Variants in ERI1 observed in about 807,000 individuals in gnomAD.
The protein encoded by ERI1 is 3'-5' exoribonuclease 1.
A neutral mutation model predicts 39.7 loss-of-function variants in ERI1; 39 were observed. The ratio of observed to expected loss-of-function variants is 0.98; its 90% CI spans 0.76 to 1.28. ERI1 has a LOEUF of 1.28. Ranked by LOEUF, ERI1 falls within the 50% of genes most tolerant of loss-of-function variation. ERI1 has a pLI of 0.00. For synonymous variants in ERI1, 204 were observed against 149.6 expected (o/e 1.36, Z -2.65); for missense variants, 581 against 416.9 (o/e 1.39, Z -3.43).
At chr8:9,044,616 G>C (rs1203478671) in intron 3 of ERI1, among the ~76,000 whole-genome samples, 1 of 152,056 alleles carries the variant, frequency 6.6e-6, no homozygotes, top group Non-Finnish European at 1.5e-5. Context: ...GGGTCAAAGA[G>C]GGCTCTTTCA....
rs112836853 is a variant in ERI1, at chr8:9,100,067, C to A, written n.300-16281C>A. 4.9e-3 allele frequency: 744 copies of A among 152,848 alleles called. 4 individuals carry two copies. The highest frequency in any genetic ancestry group is 7.6e-3 in the Non-Finnish European group (519 of 68,158). 9.5% of individuals were successfully genotyped at this position (152,848 alleles called of 1,614,324 possible). On this transcript the variant is annotated intron_variant and non_coding_transcript_variant, in intron 3 of 3. Coordinates refer to the ERI1 transcript ENST00000518663. ...AGTTTAAGTGCATTATTCATTAACCCCTTCAATAAAATTTGTAATTTTCAT... is the reference window on the plus strand; with the variant it reads ...AGTTTAAGTGCATTATTCATTAACCACTTCAATAAAATTTGTAATTTTCAT...
chr8:9,039,243 A>C (rs1359718852), intron 3 of ERI1, among the ~76,000 whole-genome samples: 1 of 152,208 alleles, frequency 6.6e-6, no homozygotes, highest in Non-Finnish European at 1.5e-5. Flanking sequence ...TTTAGGATAT[A>C]ATACTCTTGG....
intron 3 of ERI1, among the ~76,000 whole-genome samples, chr8:9,071,343 A>T (rs1260367966): frequency 6.6e-6 from 1 of 152,180 alleles, no homozygotes; most frequent in Non-Finnish European, 1.5e-5. Context: ...TAGTTATTAC[A>T]TTTGGGAGTA....
At chr8:9,071,319 T>C (rs775114417) in intron 3 of ERI1, among the ~76,000 whole-genome samples, 1 of 152,226 alleles carries the variant, frequency 6.6e-6, no homozygotes, top group Non-Finnish European at 1.5e-5. Context: ...TTTCCTTTTC[T>C]GGAATTTCTA....
chr8:9,088,771 C>T (rs1799611577), intron 3 of ERI1, among the ~76,000 whole-genome samples: 1 of 152,184 alleles, frequency 6.6e-6, no homozygotes, highest in South Asian at 2.1e-4. Context: ...TCAGAGAATC[C>T]ACCTCATTGC....
chr8:9,016,477 T>A, intron 4 of ERI1, 72 bp downstream of exon 4: 1 of 875,436 alleles, frequency 1.1e-6, no homozygotes, highest in African/African-American at 1.8e-5. Flanking sequence ...TTATACATAA[T>A]TTAAAAAAAT....
chr8:9,020,051 A>T (rs910225023), intron 5 of ERI1, among the ~76,000 whole-genome samples: 4 of 152,196 alleles, frequency 2.6e-5, no homozygotes, highest in Admixed American at 6.5e-5. Flanking sequence ...TGGCAGTAAA[A>T]GTAAGCTTAG....
chr8:9,083,242 G>GA (rs1384186646), intron 3 of ERI1, among the ~76,000 whole-genome samples: 1 of 152,122 alleles, frequency 6.6e-6, no homozygotes, highest in Admixed American at 6.5e-5. Flanking sequence ...TACTTTCAGT[G>GA]AAAAATATTA....
chr8:9,007,069 A>G (rs928871115), intron 1 of ERI1, among the ~76,000 whole-genome samples: 6 of 152,250 alleles, frequency 3.9e-5, no homozygotes, highest in African/African-American at 1.4e-4. Flanking sequence ...GTGATATTGC[A>G]TGTGGAAAAT....
chr8:9,013,070 A>C (rs1816839889), intron 3 of ERI1, among the ~76,000 whole-genome samples: 1 of 151,378 alleles, frequency 6.6e-6, no homozygotes, highest in Admixed American at 6.6e-5. Context: ...ACTTGAGTGC[A>C]GTGGTGCAAA....
intron 3 of ERI1, among the ~76,000 whole-genome samples, chr8:9,051,540 C>T (rs1798355313): frequency 6.6e-6 from 1 of 152,000 alleles, no homozygotes; most frequent in Non-Finnish European, 1.5e-5. Context: ...ACCTGTAGTT[C>T]CAGCTACTTG....
intron 3 of ERI1, among the ~76,000 whole-genome samples, chr8:9,047,997 T>C (rs1336547448): frequency 6.6e-6 from 1 of 152,128 alleles, no homozygotes; most frequent in African/African-American, 2.4e-5. Context: ...GAAAGTCAAC[T>C]CTCTTGTCCA....
intron 3 of ERI1, among the ~76,000 whole-genome samples, chr8:9,051,137 G>A (rs1798341823): frequency 6.6e-6 from 1 of 151,596 alleles, no homozygotes; most frequent in African/African-American, 2.4e-5. Flanking sequence ...TAGGGAATTG[G>A]AGGTATATAT....
chr8:9,036,946 A>T (rs1797865162), downstream of ERI1, among the ~76,000 whole-genome samples: 1 of 152,216 alleles, frequency 6.6e-6, no homozygotes, highest in African/African-American at 2.4e-5. Context: ...TGAAACTCAT[A>T]GTCCCTCCCT....
intron 5 of ERI1, among the ~76,000 whole-genome samples, chr8:9,019,447 A>G (rs995771132): frequency 6.6e-6 from 1 of 152,220 alleles, no homozygotes; most frequent in African/African-American, 2.4e-5. Flanking sequence ...GTGCTCTGCT[A>G]AAGTATACAG....
downstream of ERI1, among the ~76,000 whole-genome samples, chr8:9,037,212 C>G (rs1156523595): frequency 6.6e-6 from 1 of 152,194 alleles, no homozygotes; most frequent in Non-Finnish European, 1.5e-5. Context: ...TGATTTCTGT[C>G]TGCCAACTTT....
intron 3 of ERI1, among the ~76,000 whole-genome samples, chr8:9,015,740 A>AAAAAAAAAAAAAAAAAAG (rs1182633803): frequency 2.0e-5 from 3 of 148,410 alleles, no homozygotes; most frequent in South Asian, 2.1e-4. Flanking sequence ...AAAAAAAAAA[A>AAAAAAAAAAAAAAAAAAG]AGAGACCATC....
chr8:9,029,664 A>G, intron 6 of ERI1, 128 bp from the exon 7 acceptor site: 1 of 1,124,842 alleles, frequency 8.9e-7, no homozygotes, highest in Non-Finnish European at 1.3e-6. Context: ...GAGTGGGGGT[A>G]TTGCCCTTTG....
intron 6 of ERI1, among the ~76,000 whole-genome samples, chr8:9,028,973 G>GTTTTTTTTT (rs34569795): frequency 3.5e-5 from 4 of 113,092 alleles, no homozygotes; most frequent in African/African-American, 6.6e-5. Context: ...GAGTGTGAGA[G>GTTTTTTTTT]TTTTTTTTTT....
Sources: gnomAD v4.1 joint callset for allele counts (sites outside exome capture counted in the v4.1 genomes callset) on GRCh38, gnomAD v4.1.1 for gene constraint, MANE v1.5 for transcripts, NCBI Gene and HGNC (gene_info 2026-07-23, HGNC 2026-07-21) for gene names.